The following TBC1D21 variants were observed in gnomAD, a reference collection of about 807,000 sequenced individuals.
The protein encoded by TBC1D21 is TBC1 domain family member 21.
Under a neutral mutation model 46.0 loss-of-function variants are expected in TBC1D21, and 38 were observed. The observed-to-expected ratio is 0.83, with a 90% CI of 0.64 to 1.08. The LOEUF (loss-of-function observed/expected upper bound fraction) is 1.08. Ranked by LOEUF, TBC1D21 falls within the 50% of genes least tolerant of loss-of-function variation. The pLI is 0.00. For synonymous variants in TBC1D21, 151 were observed against 157.2 expected (o/e 0.96, Z 0.29); for missense variants, 415 against 417.9 (o/e 0.99, Z 0.06).
At chr15:73,908,630 C>T in the TBC1D21 span, 1 of 152,646 alleles carries the variant, frequency 6.6e-6, no homozygotes, top group Admixed American at 6.5e-5. Context: ...CCTATACTGT[C>T]CCCAAAGCCA....
At chr15:73,890,196 C>T (rs1053608644), downstream of TBC1D21, among the ~76,000 whole-genome samples, 10 of 152,324 alleles carry the variant, frequency 6.6e-5, no homozygotes, top group Middle Eastern at 3.4e-3. Context: ...CCTCTGCTCC[C>T]ATCCTGGCAC....
rs2068009581 is a variant in TBC1D21, at chr15:73,873,761, T to C, written c.52T>C (p.Phe18Leu). The change falls in exon 1 of 11, where the codon TTC (phenylalanine) becomes CTC (leucine). Residue 18 changes from phenylalanine (F) to leucine (L), a missense_variant. Physicochemically the swap from Phe to Leu is conservative, Grantham distance 22. Coordinates refer to ENST00000300504, the MANE Select transcript of TBC1D21 (RefSeq NM_153356.3). The stretch of plus-strand genomic sequence containing the variant: ...CCTCTCTGCCAGACAGTCAGCCTCC[T>C]TCATCCTGGTGCGTGTTCTTTGTCA... ...NSLSARQSAS[F>L]ILVKRKPPID... The C allele has an allele frequency of 1.2e-6, 2 of 1,610,192 alleles. No individual in the cohort carries two copies. The highest frequency in any genetic ancestry group is 4.5e-5 in the East Asian group (2 of 44,818).
the TBC1D21 span, among the ~76,000 whole-genome samples, chr15:73,898,789 G>A: frequency 2.7e-5 from 4 of 148,136 alleles, no homozygotes; most frequent in South Asian, 2.2e-4. Flanking sequence ...ACTTGAACCC[G>A]GGAGGTGGAG....
At chr15:73,888,585 C>G in intron 10 of TBC1D21, 72 bp downstream of exon 10, 4 of 558,570 alleles carry the variant, frequency 7.2e-6, no homozygotes, top group Non-Finnish European at 6.1e-6. Context: ...CCTCCTCTTC[C>G]TCCTCCTCCT....
the TBC1D21 span, chr15:73,908,317 T>C: frequency 1.3e-5 from 2 of 152,316 alleles, no homozygotes; most frequent in Non-Finnish European, 2.9e-5. Flanking sequence ...GGAGGGTATA[T>C]GCACATTTGT....
chr15:73,905,584 A>C, the TBC1D21 span, among the ~76,000 whole-genome samples: 1 of 152,230 alleles, frequency 6.6e-6, no homozygotes, highest in East Asian at 1.9e-4. Context: ...CAGTGACATC[A>C]TGTTGATAGC....
chr15:73,886,042 A>AG lies in TBC1D21; in HGVS notation c.580-31dup, dbSNP rs765152969. ...TGACTCTTCCGGTGCCTTGAAGCCAAGGGGGACTCAGTCTGTCTCCCACCA... is the reference window on the plus strand; with the variant it reads ...TGACTCTTCCGGTGCCTTGAAGCCAAGGGGGGACTCAGTCTGTCTCCCACCA... On this transcript the variant is annotated intron_variant, in intron 6 of 10. Transcript: ENST00000300504. 3 of 1,595,818 alleles carry AG rather than the reference A, an allele frequency of 1.9e-6. No homozygotes were observed. The Admixed American group carries it at 5.0e-5, about 27-fold the overall frequency.
chr15:73,884,802 A>G lies in TBC1D21; in HGVS notation c.389A>G (p.Tyr130Cys), dbSNP rs960197690. The change falls in exon 5 of 11, where the codon TAT becomes TGT. Residue 130 changes from tyrosine (Y) to cysteine (C), a missense_variant. Coordinates refer to ENST00000300504, the MANE Select transcript of TBC1D21 (RefSeq NM_153356.3). Reference sequence around the variant, plus strand: ...CTAGCACGTGACATTCAGAAAATCTATGACAAAGATCCCCTGGGCAACGTC... The same window carrying G: ...CTAGCACGTGACATTCAGAAAATCTGTGACAAAGATCCCCTGGGCAACGTC... ...NNIARDIQKI[Y>C]DKDPLGNVLI... is the part of the protein sequence containing the mutation. The G allele has an allele frequency of 3.7e-6, 6 of 1,613,934 alleles. No individual in the cohort carries two copies. In the African/African-American group the frequency reaches 4.0e-5, roughly 11 times the overall value.
chr15:73,875,259 A>G (rs1194008793), intron 1 of TBC1D21, among the ~76,000 whole-genome samples: 32 of 146,870 alleles, frequency 2.2e-4, no homozygotes, highest in Non-Finnish European at 3.1e-4. Context: ...AAAAAAAAAA[A>G]AAGAAGAAGA....
chr15:73,881,279 GAAGT>G, intron 1 of TBC1D21, 116 bp from the exon 2 acceptor site: 1 of 674,800 alleles, frequency 1.5e-6, no homozygotes, highest in Non-Finnish European at 2.5e-6. Flanking sequence ...ATAGATTTCC[GAAGT>G]AAGTCAGGCT....
intron 6 of TBC1D21, among the ~76,000 whole-genome samples, chr15:73,885,682 T>A (rs892132584): frequency 5.3e-5 from 8 of 150,390 alleles, no homozygotes; most frequent in Admixed American, 2.0e-4. Context: ...CACCCCACCA[T>A]CCCTGCACAT....
At chr15:73,877,644 G>A (rs1322967300) in intron 1 of TBC1D21, among the ~76,000 whole-genome samples, 3 of 151,130 alleles carry the variant, frequency 2.0e-5, no homozygotes, top group African/African-American at 7.3e-5. Context: ...TGATTCTTGT[G>A]AACATGGATG....
At chr15:73,878,371 CT>C (rs1427191934) in intron 1 of TBC1D21, among the ~76,000 whole-genome samples, 1 of 152,170 alleles carries the variant, frequency 6.6e-6, no homozygotes, top group African/African-American at 2.4e-5. Flanking sequence ...TTGCTGACCC[CT>C]GGTCTATGTC....
chr15:73,906,270 C>G, the TBC1D21 span, among the ~76,000 whole-genome samples: 1 of 152,132 alleles, frequency 6.6e-6, no homozygotes, highest in Non-Finnish European at 1.5e-5. Context: ...AAATTAGGGA[C>G]AGGAGGGGCT....
At chr15:73,896,374 C>A in the TBC1D21 span, among the ~76,000 whole-genome samples, 1 of 102,614 alleles carries the variant, frequency 9.7e-6, no homozygotes, top group African/African-American at 3.1e-5. Context: ...ATGACAATGG[C>A]AGGTCGTGGT....
At chr15:73,879,972 C>T (rs1435268776) in intron 1 of TBC1D21, among the ~76,000 whole-genome samples, 1 of 151,478 alleles carries the variant, frequency 6.6e-6, no homozygotes, top group Non-Finnish European at 1.5e-5. Flanking sequence ...TCTCGGCTGA[C>T]TGCAACCTCT....
At chr15:73,876,196 T>G (rs1256807549) in intron 1 of TBC1D21, among the ~76,000 whole-genome samples, 2 of 60,360 alleles carry the variant, frequency 3.3e-5, no homozygotes, top group Admixed American at 1.7e-4. Context: ...ACTTTTTTTG[T>G]GGGTTTTTTT....
intron 8 of TBC1D21, among the ~76,000 whole-genome samples, chr15:73,886,932 C>T (rs1000687412): frequency 1.2e-4 from 19 of 152,326 alleles, no homozygotes; most frequent in African/African-American, 3.1e-4. Context: ...GGCCTCCCCA[C>T]GCTTTCACTT....
At chr15:73,907,584 T>C in the TBC1D21 span, among the ~76,000 whole-genome samples, 4 of 152,216 alleles carry the variant, frequency 2.6e-5, no homozygotes, top group African/African-American at 9.6e-5. Context: ...GTTGGGCTTC[T>C]GTCACTTGCA....
Sources: gnomAD v4.1 joint callset for allele counts (sites outside exome capture counted in the v4.1 genomes callset) on GRCh38, gnomAD v4.1.1 for gene constraint, MANE v1.5 for transcripts, NCBI Gene and HGNC (gene_info 2026-07-23, HGNC 2026-07-21) for gene names.